Variants in IL1RAPL1 observed in about 807,000 individuals in gnomAD.
IL1RAPL1 encodes the protein interleukin 1 receptor accessory protein like 1.
IL1RAPL1 carries 3 observed loss-of-function variants against 48.4 expected under a neutral mutation model. The observed-to-expected ratio is 0.06, with a 90% CI of 0.03 to 0.16. The LOEUF (loss-of-function observed/expected upper bound fraction) is 0.16, where lower values mean the gene tolerates loss of function less well. Among genes scored for constraint, IL1RAPL1 ranks in the 10% least tolerant of loss-of-function variants. The pLI is 1.00. For missense variants in IL1RAPL1, 349 were observed against 530.6 expected (o/e 0.66, Z 3.36); for synonymous variants, 185 against 187.7 (o/e 0.99, Z 0.12).
At chrX:29,182,110 C>CG (rs1276587511) in intron 2 of IL1RAPL1, among the ~76,000 whole-genome samples, 1 of 109,958 alleles carries the variant, frequency 9.1e-6, no homozygotes, top group Non-Finnish European at 1.9e-5. Flanking sequence ...CCTTGCCCCC[C>CG]CCCACCCCAT....
intron 2 of IL1RAPL1, among the ~76,000 whole-genome samples, chrX:28,839,514 AAAT>A (rs1374387783): frequency 5.4e-5 from 6 of 110,588 alleles, no homozygotes; most frequent in Non-Finnish European, 1.1e-4. Flanking sequence ...TGATATTTTA[AAAT>A]AATAATTACT....
At chrX:29,762,348 CTT>C (rs1928772132) in intron 6 of IL1RAPL1, among the ~76,000 whole-genome samples, 1 of 111,600 alleles carries the variant, frequency 9.0e-6, no homozygotes, top group Non-Finnish European at 1.9e-5. Flanking sequence ...GGGAGAAAAA[CTT>C]ATCAAAAACA....
At chrX:28,723,050 TTC>T (rs1935609618) in intron 1 of IL1RAPL1, among the ~76,000 whole-genome samples, 1 of 111,438 alleles carries the variant, frequency 9.0e-6, no homozygotes, top group African/African-American at 3.3e-5. Context: ...TGGTCTAAAA[TTC>T]TCTTTTTTTG....
At chrX:29,229,404 A>T (rs192693659) in intron 2 of IL1RAPL1, among the ~76,000 whole-genome samples, 1,331 of 103,596 alleles carry the variant, frequency 0.013, 6 homozygotes, top group African/African-American at 0.028. Context: ...GATAATTTTT[A>T]AAAAAAAAAA....
chrX:29,811,986 C>T (rs1236485529), intron 6 of IL1RAPL1, among the ~76,000 whole-genome samples: 2 of 111,036 alleles, frequency 1.8e-5, no homozygotes, highest in African/African-American at 6.5e-5. Context: ...AACAATAGAT[C>T]ATCTACACAG....
intron 6 of IL1RAPL1, among the ~76,000 whole-genome samples, chrX:29,837,300 TACACACACACAC>T (rs144007476): frequency 1.8e-5 from 1 of 55,635 alleles, no homozygotes; most frequent in African/African-American, 8.1e-5. Flanking sequence ...TATATATATA[TACACACACACAC>T]ACACACACAT....
intron 2 of IL1RAPL1, among the ~76,000 whole-genome samples, chrX:28,846,094 C>T (rs2147294396): frequency 8.9e-6 from 1 of 112,174 alleles, no homozygotes; most frequent in Non-Finnish European, 1.9e-5. Context: ...TTCCATCTGC[C>T]TAGCCCCTAG....
intron 6 of IL1RAPL1, among the ~76,000 whole-genome samples, chrX:29,802,937 A>G (rs1164671523): frequency 3.3e-5 from 3 of 92,033 alleles, no homozygotes; most frequent in Admixed American, 1.2e-4. Flanking sequence ...ATATATGTGT[A>G]CATATGTATG....
intron 6 of IL1RAPL1, among the ~76,000 whole-genome samples, chrX:29,837,258 CAAAA>C (rs34032700): frequency 0.024 from 713 of 30,002 alleles, 9 homozygotes; most frequent in Middle Eastern, 0.052. Flanking sequence ...GACTGCATCT[CAAAA>C]AAAAAAAAAA....
intron 2 of IL1RAPL1, among the ~76,000 whole-genome samples, chrX:29,180,217 C>A (rs1249908383): frequency 3.3e-4 from 34 of 101,753 alleles, no homozygotes; most frequent in Admixed American, 5.4e-4. Flanking sequence ...GAACTACTGT[C>A]AAAAAAAAAA....
intron 2 of IL1RAPL1, among the ~76,000 whole-genome samples, chrX:28,844,180 GAAATTCAAATTTCCCACC>G (rs1448344495): frequency 9.4e-6 from 1 of 105,968 alleles, no homozygotes; most frequent in Non-Finnish European, 1.9e-5. Context: ...CATATGGTCG[GAAATTCAAATTTCCCACC>G]AAATTCCCAC....
chrX:29,421,639 A>G (rs1024280508), intron 5 of IL1RAPL1, among the ~76,000 whole-genome samples: 1 of 111,816 alleles, frequency 8.9e-6, no homozygotes, highest in Non-Finnish European at 1.9e-5. Context: ...GGAAGGGCAT[A>G]TTTTCTAAGC....
chrX:28,620,989 G>A (rs1466668220), intron 1 of IL1RAPL1, among the ~76,000 whole-genome samples: 2 of 111,319 alleles, frequency 1.8e-5, no homozygotes, highest in Non-Finnish European at 3.8e-5. Flanking sequence ...CATCTTCCCT[G>A]CTCTTCACAT....
intron 2 of IL1RAPL1, among the ~76,000 whole-genome samples, chrX:29,131,334 G>A (rs755754622): frequency 1.1e-4 from 12 of 109,300 alleles, no homozygotes; most frequent in Non-Finnish European, 2.3e-4. Flanking sequence ...CAGACTAATC[G>A]AAGATCTTGT....
At chrX:28,901,770 T>C (rs984420129) in intron 2 of IL1RAPL1, among the ~76,000 whole-genome samples, 1 of 112,018 alleles carries the variant, frequency 8.9e-6, no homozygotes, top group Non-Finnish European at 1.9e-5. Context: ...TCTCCATGAG[T>C]AGGATAGCGA....
intron 6 of IL1RAPL1, among the ~76,000 whole-genome samples, chrX:29,880,674 A>T (rs190539534): frequency 3.6e-5 from 4 of 110,186 alleles, no homozygotes; most frequent in South Asian, 3.8e-4. Flanking sequence ...TTCAATCAAC[A>T]TTTTTTTTTC....
chrX:29,174,871 G>A (rs752536877), intron 2 of IL1RAPL1, among the ~76,000 whole-genome samples: 1 of 110,720 alleles, frequency 9.0e-6, no homozygotes, highest in Admixed American at 9.6e-5. Context: ...TCAGGGGATC[G>A]ACACCATACT....
intron 2 of IL1RAPL1, among the ~76,000 whole-genome samples, chrX:29,074,205 C>A (rs1240444132): frequency 9.0e-6 from 1 of 111,703 alleles, no homozygotes; most frequent in Non-Finnish European, 1.9e-5. Context: ...AGGCCCTAAT[C>A]ATCATACTGC....
At chrX:29,476,634 A>G (rs913458809) in intron 5 of IL1RAPL1, among the ~76,000 whole-genome samples, 1 of 110,416 alleles carries the variant, frequency 9.1e-6, no homozygotes, top group African/African-American at 3.3e-5. Context: ...TATTTTATTC[A>G]AAGTATTTGA....
Sources: gnomAD v4.1 joint callset for allele counts (sites outside exome capture counted in the v4.1 genomes callset) on GRCh38, gnomAD v4.1.1 for gene constraint, MANE v1.5 for transcripts, NCBI Gene and HGNC (gene_info 2026-07-23, HGNC 2026-07-21) for gene names.